Variants in VRK2 observed in about 807,000 individuals in gnomAD.
VRK2 encodes the protein serine/threonine-protein kinase VRK2.
Under a neutral mutation model 57.6 loss-of-function variants are expected in VRK2, and 60 were observed. The ratio of observed to expected loss-of-function variants is 1.04; its 90% CI spans 0.85 to 1.29. The LOEUF is 1.29. Ranked by LOEUF, VRK2 falls within the 50% of genes most tolerant of loss-of-function variation. The pLI is 0.00. For synonymous variants in VRK2, 231 were observed against 199.2 expected (o/e 1.16, Z -1.35); for missense variants, 705 against 588.1 (o/e 1.20, Z -2.06).
At chr2:58,081,265 T>A (rs1396739401) in intron 2 of VRK2, among the ~76,000 whole-genome samples, 1 of 151,790 alleles carries the variant, frequency 6.6e-6, no homozygotes, top group African/African-American at 2.4e-5. Flanking sequence ...CAGGATTGAG[T>A]GTGTGTGTGC....
chr2:58,093,176 C>T (rs1211512503), intron 7 of VRK2, among the ~76,000 whole-genome samples: 1 of 152,150 alleles, frequency 6.6e-6, no homozygotes, highest in Non-Finnish European at 1.5e-5. Flanking sequence ...TGAGTATATA[C>T]CCAGTAATGG....
At chr2:57,930,971 A>G (rs891966398) in intron 1 of VRK2, among the ~76,000 whole-genome samples, 1 of 152,066 alleles carries the variant, frequency 6.6e-6, no homozygotes, top group Non-Finnish European at 1.5e-5. Flanking sequence ...ACATGTACTG[A>G]GTATTTTTAT....
chr2:57,984,314 C>T (rs1250564924), intron 1 of VRK2, among the ~76,000 whole-genome samples: 1 of 151,796 alleles, frequency 6.6e-6, no homozygotes, highest in Non-Finnish European at 1.5e-5. Context: ...CTGTGCAGTA[C>T]AACTAAATGT....
At chr2:58,136,760 C>CAT (rs888136670) in intron 10 of VRK2, among the ~76,000 whole-genome samples, 29 of 143,706 alleles carry the variant, frequency 2.0e-4, no homozygotes, top group African/African-American at 2.9e-4. Context: ...ATGTCATTAA[C>CAT]ATATATATAT....
intron 8 of VRK2, among the ~76,000 whole-genome samples, chr2:58,125,862 C>G (rs1181909194): frequency 6.6e-6 from 1 of 151,914 alleles, no homozygotes; most frequent in Non-Finnish European, 1.5e-5. Context: ...GTATGACATC[C>G]TCAAATGTCT....
chr2:58,007,351 C>T (rs1046082806), intron 1 of VRK2, among the ~76,000 whole-genome samples: 2 of 151,196 alleles, frequency 1.3e-5, no homozygotes, highest in Non-Finnish European at 2.9e-5. Flanking sequence ...TACAGTTGGC[C>T]CTTGAACAAC....
At chr2:57,916,526 C>A (rs1433226263) in intron 1 of VRK2, among the ~76,000 whole-genome samples, 1 of 151,850 alleles carries the variant, frequency 6.6e-6, no homozygotes, top group Non-Finnish European at 1.5e-5. Context: ...TATATCGACC[C>A]ACCCTCCTTA....
chr2:57,929,637 G>C (rs2176546), intron 1 of VRK2, among the ~76,000 whole-genome samples: 103,772 of 151,864 alleles, frequency 0.68, 36,524 homozygotes, highest in African/African-American at 0.88. Context: ...GAGTCTCTCC[G>C]TGTAGCCACC....
intron 10 of VRK2, among the ~76,000 whole-genome samples, chr2:58,136,903 TCATA>T (rs1423618020): frequency 2.2e-4 from 3 of 13,396 alleles, no homozygotes; most frequent in Non-Finnish European, 3.9e-4. Flanking sequence ...TGTATATATA[TCATA>T]TATATATCAT....
At chr2:58,158,679 G>A (rs1466855242) in intron 12 of VRK2, among the ~76,000 whole-genome samples, 2 of 152,166 alleles carry the variant, frequency 1.3e-5, no homozygotes, top group South Asian at 2.1e-4. Flanking sequence ...GTGGTGATCA[G>A]GAAACTGATT....
intron 1 of VRK2, among the ~76,000 whole-genome samples, chr2:58,006,566 G>A (rs1673251636): frequency 6.6e-6 from 1 of 152,138 alleles, no homozygotes; most frequent in African/African-American, 2.4e-5. Context: ...CTTCTCTGTG[G>A]AGCAGACCTC....
intron 1 of VRK2, among the ~76,000 whole-genome samples, chr2:57,950,704 C>A (rs1020279906): frequency 9.9e-5 from 15 of 152,118 alleles, no homozygotes; most frequent in Non-Finnish European, 1.5e-5. Flanking sequence ...TTTTGTAAGG[C>A]TACAGCTGTC....
At chr2:58,061,150 T>A (rs866650477) in intron 2 of VRK2, among the ~76,000 whole-genome samples, 1 of 151,810 alleles carries the variant, frequency 6.6e-6, no homozygotes, top group African/African-American at 2.4e-5. Flanking sequence ...AAATTCAAAT[T>A]TCTAAATTAA....
chr2:58,095,077 C>T (rs752707274), intron 7 of VRK2, among the ~76,000 whole-genome samples: 112 of 152,028 alleles, frequency 7.4e-4, no homozygotes, highest in African/African-American at 2.4e-3. Flanking sequence ...AGGTGGATCA[C>T]GAGGTCAGGA....
intron 7 of VRK2, among the ~76,000 whole-genome samples, chr2:58,095,218 C>T (rs560181944): frequency 1.1e-4 from 16 of 149,212 alleles, no homozygotes; most frequent in South Asian, 4.2e-4. Flanking sequence ...GGCGTGAACC[C>T]GGGAGGCGGA....
intron 1 of VRK2, among the ~76,000 whole-genome samples, chr2:57,946,564 A>C (rs1350254442): frequency 1.3e-5 from 2 of 152,154 alleles, no homozygotes. Flanking sequence ...GAAAGAAATT[A>C]CACTTATTGA....
At chr2:58,118,936 A>G (rs1676971695) in intron 7 of VRK2, among the ~76,000 whole-genome samples, 2 of 152,292 alleles carry the variant, frequency 1.3e-5, no homozygotes, top group South Asian at 4.1e-4. Context: ...CTGAGCCAGG[A>G]GAAGGAAATT....
intron 1 of VRK2, among the ~76,000 whole-genome samples, chr2:57,941,629 T>C (rs968101292): frequency 3.9e-5 from 6 of 152,194 alleles, no homozygotes; most frequent in African/African-American, 1.4e-4. Flanking sequence ...ATTCCCAGGG[T>C]ACTTTAGCTC....
chr2:58,116,833 C>T (rs539711677), intron 7 of VRK2, among the ~76,000 whole-genome samples: 24 of 152,316 alleles, frequency 1.6e-4, no homozygotes, highest in African/African-American at 5.8e-4. Context: ...TCCTGGGCTG[C>T]AGGCATTCCT....
Sources: allele counts gnomAD v4.1 joint callset (sites outside exome capture counted in the v4.1 genomes callset), GRCh38; gene constraint gnomAD v4.1.1; transcripts MANE v1.5; gene names NCBI Gene and HGNC (gene_info 2026-07-23, HGNC 2026-07-21).